Variants in DGKB observed in about 807,000 individuals in gnomAD.
DGKB encodes diacylglycerol kinase beta, also known as 90 kDa diacylglycerol kinase.
In DGKB, 67 loss-of-function variants were observed where a neutral mutation model predicts 114.3. That is an observed-to-expected ratio of 0.59 (90% CI 0.48 to 0.72). DGKB has a LOEUF of 0.72. Ranked by LOEUF, DGKB falls within the 30% of genes least tolerant of loss-of-function variation. DGKB has a pLI of 0.00. For missense variants in DGKB, 907 were observed against 975.2 expected (o/e 0.93, Z 0.93); for synonymous variants, 398 against 323.1 (o/e 1.23, Z -2.49).
intron 16 of DGKB, among the ~76,000 whole-genome samples, chr7:14,610,496 G>T (rs80093998): frequency 0.015 from 2,284 of 152,096 alleles, 72 homozygotes; most frequent in African/African-American, 0.052. Context: ...TGTATCTAAA[G>T]TAAAAGTTGA....
intron 20 of DGKB, among the ~76,000 whole-genome samples, chr7:14,573,611 T>A (rs1030783878): frequency 6.6e-6 from 1 of 152,150 alleles, no homozygotes; most frequent in Non-Finnish European, 1.5e-5. Context: ...TGGCTAAAAA[T>A]ATATATAAAA....
chr7:14,783,892 C>T lies in DGKB; in HGVS notation c.71-26161G>A, dbSNP rs371154131. Among the ~76,000 whole-genome samples, 5 of 152,080 alleles carry T rather than the reference C, an allele frequency of 3.3e-5. No individual in the cohort carries two copies. The South Asian group carries it at 1.0e-3, about 32-fold the overall frequency. On this transcript the variant is annotated intron_variant, in intron 2 of 25. Coordinates refer to ENST00000402815, the MANE Select transcript of DGKB (RefSeq NM_001350709.2). ...TACTTTTATTATAGAGTATTTCACA[C>T]ACATAAAAGAATAAGCACAAAAATG...
At chr7:14,177,616 A>AAAGTT (rs1324996117) in intron 24 of DGKB, among the ~76,000 whole-genome samples, 1 of 151,654 alleles carries the variant, frequency 6.6e-6, no homozygotes, top group African/African-American at 2.4e-5. Flanking sequence ...AATGCTTGAA[A>AAAGTT]AAGTTAAAAT....
At chr7:14,168,290 A>G (rs575582787) in intron 25 of DGKB, among the ~76,000 whole-genome samples, 29 of 152,306 alleles carry the variant, frequency 1.9e-4, no homozygotes, top group African/African-American at 7.0e-4. Context: ...AGGAAATAAA[A>G]AGTGAACAGA....
At chr7:14,307,416 T>G (rs557209165) in intron 23 of DGKB, among the ~76,000 whole-genome samples, 25 of 152,322 alleles carry the variant, frequency 1.6e-4, no homozygotes, top group African/African-American at 5.8e-4. Context: ...TTCTAATGTA[T>G]GACTAAGCAT....
chr7:14,286,637 C>G (rs1042838171), intron 23 of DGKB, among the ~76,000 whole-genome samples: 1 of 152,050 alleles, frequency 6.6e-6, no homozygotes, highest in Non-Finnish European at 1.5e-5. Flanking sequence ...CTCATTTTTG[C>G]AGTCCTTTAA....
chr7:14,260,111 CACACA>C (rs1175257710), intron 23 of DGKB, among the ~76,000 whole-genome samples: 1 of 1,534 alleles, frequency 6.5e-4, no homozygotes, highest in Non-Finnish European at 2.0e-3. Flanking sequence ...CACACATGAA[CACACA>C]CACACACACA....
intron 21 of DGKB, among the ~76,000 whole-genome samples, chr7:14,470,193 A>T (rs1337747101): frequency 1.3e-5 from 2 of 151,916 alleles, no homozygotes; most frequent in African/African-American, 4.8e-5. Context: ...TGAAGATATG[A>T]TTCTCTTCAA....
intron 1 of DGKB, among the ~76,000 whole-genome samples, chr7:14,956,457 C>A (rs184892144): frequency 1.3e-5 from 2 of 151,916 alleles, no homozygotes; most frequent in African/African-American, 4.8e-5. Flanking sequence ...TTTTAGGAAG[C>A]CTTTGTTAAA....
chr7:14,648,394 T>A (rs148084522), intron 13 of DGKB, among the ~76,000 whole-genome samples: 3,246 of 152,152 alleles, frequency 0.021, 50 homozygotes, highest in South Asian at 0.038. Context: ...CACTCACACC[T>A]CACAGGGCAG....
At chr7:14,933,655 A>C (rs570493568) in intron 1 of DGKB, among the ~76,000 whole-genome samples, 5 of 152,176 alleles carry the variant, frequency 3.3e-5, no homozygotes, top group Non-Finnish European at 7.4e-5. Flanking sequence ...AAACTAATGT[A>C]TACAAAGATA....
upstream of DGKB, chr7:14,903,419 G>A (rs970875822): frequency 1.3e-5 from 2 of 152,336 alleles, no homozygotes; most frequent in Non-Finnish European, 2.9e-5. Flanking sequence ...ATAAGACAGG[G>A]GAGGAGACGG....
rs188201413 is a variant in DGKB at position 14,938,851 on chromosome 7, G to C, written c.-188+35845C>G. Among the ~76,000 whole-genome samples the C allele has an allele frequency of 3.7e-3, 564 of 152,068 alleles. 2 individuals carry two copies. Among genetic ancestry groups the C allele is most frequent in the African/African-American group, 0.013 (545 of 41,494 alleles). On this transcript the variant is annotated intron_variant, in intron 1 of 4. Coordinates refer to the DGKB transcript ENST00000437998. Reference sequence around the variant, plus strand: ...TAGTATCATAAAAATTAAAAGCATAGGTGTCAGCATTAAACAAATCCTGGT... The same window carrying C: ...TAGTATCATAAAAATTAAAAGCATACGTGTCAGCATTAAACAAATCCTGGT...
At chr7:14,319,095 C>G (rs536644550) in intron 23 of DGKB, among the ~76,000 whole-genome samples, 57 of 143,614 alleles carry the variant, frequency 4.0e-4, no homozygotes, top group African/African-American at 1.4e-3. Flanking sequence ...AATGAGATCA[C>G]ATGGACACAG....
chr7:14,917,728 C>CA (rs892826694), intron 1 of DGKB, among the ~76,000 whole-genome samples: 12 of 151,678 alleles, frequency 7.9e-5, no homozygotes, highest in East Asian at 1.9e-4. Flanking sequence ...AAATCTGTTG[C>CA]AAAAAAATAC....
At chr7:14,852,486 T>TCAAAAAAACAAAAACAAAAA (rs1554304183) in intron 1 of DGKB, among the ~76,000 whole-genome samples, 1 of 7,778 alleles carries the variant, frequency 1.3e-4, no homozygotes, top group Non-Finnish European at 3.2e-4. Flanking sequence ...ATAGTGAAAG[T>TCAAAAAAACAAAAACAAAAA]CAAAAAAAAA....
At position 14,876,046 on chromosome 7, in the gene DGKB, G is replaced by C. The variant is rs569210647; in HGVS notation, c.-188+26546C>G. On this transcript the variant is annotated intron_variant, in intron 1 of 25. Coordinates refer to ENST00000402815, the MANE Select transcript of DGKB (RefSeq NM_001350709.2). ...TTTCTGCCTTTGAGGTAGGAGGCAGGACTCCACTCCAGAGGCAGGGTTTGG... is the reference window on the plus strand; with the variant it reads ...TTTCTGCCTTTGAGGTAGGAGGCAGCACTCCACTCCAGAGGCAGGGTTTGG... 1.6e-3 allele frequency among the ~76,000 whole-genome samples: 237 copies of C among 152,184 alleles called. 1 individual carries two copies. Among genetic ancestry groups the C allele is most frequent in the Admixed American group, 5.3e-3 (81 of 15,294 alleles).
chr7:14,280,727 T>A (rs1799809820), intron 23 of DGKB, among the ~76,000 whole-genome samples: 1 of 149,660 alleles, frequency 6.7e-6, no homozygotes, highest in South Asian at 2.1e-4. Flanking sequence ...AAGAAAAGAA[T>A]TTTCAACCCA....
rs1347748428 is a variant in DGKB, at chr7:14,718,682, A to T, written c.326T>A (p.Leu109Gln). 6.3e-7 allele frequency: 1 copy of T among 1,596,206 alleles called. No individual in the cohort carries two copies. Among genetic ancestry groups the T allele is most frequent in the Admixed American group, 1.8e-5 (1 of 55,074 alleles). Residue 109 changes from leucine (L) to glutamine (Q), a missense_variant, in exon 6 of 26, where the codon CTG becomes CAG. This residue lies in a region of DGKB where 814 missense variants were observed against 856.6 expected (regional missense o/e 0.95). Coordinates refer to ENST00000402815, the MANE Select transcript of DGKB (RefSeq NM_001350709.2). ...GGTGATGGCACCTTTATTCATTCTCAGACCTGGAAAAAAAATTGTCTTTAT... is the reference window on the plus strand; with the variant it reads ...GGTGATGGCACCTTTATTCATTCTCTGACCTGGAAAAAAAATTGTCTTTAT... ...KSKPALLSGG[L>Q]RMNKGAITPP...
Sources: gnomAD v4.1 joint callset for allele counts (sites outside exome capture counted in the v4.1 genomes callset) on GRCh38, gnomAD v4.1.1 for gene constraint, gnomAD v4.1.1 regional missense constraint, MANE v1.5 for transcripts, NCBI Gene and HGNC (gene_info 2026-07-23, HGNC 2026-07-21) for gene names.